The following RALGAPA1 variants were observed in gnomAD, a reference collection of about 807,000 sequenced individuals.
RALGAPA1 encodes ral GTPase-activating protein subunit alpha-1.
Under a neutral mutation model 269.6 loss-of-function variants are expected in RALGAPA1, and 52 were observed. The observed-to-expected ratio is 0.19, with a 90% CI of 0.15 to 0.24. The LOEUF is 0.24. Among genes scored for constraint, RALGAPA1 ranks in the 10% least tolerant of loss-of-function variants. The pLI, the probability that RALGAPA1 is intolerant of heterozygous loss-of-function variation, is 1.00. For missense variants in RALGAPA1, 1,917 were observed against 3,013.9 expected, an observed-to-expected ratio of 0.64 and a Z score of 8.52; for synonymous variants, 817 against 1,008.3, an observed-to-expected ratio of 0.81 and a Z score of 3.60.
chr14:35,807,582 T>A (rs746577230), intron 1 of RALGAPA1, among the ~76,000 whole-genome samples: 10 of 152,236 alleles, frequency 6.6e-5, no homozygotes, highest in African/African-American at 1.2e-4. Context: ...AAACTTCAGC[T>A]TTTTTGTTGG....
At chr14:35,637,557 T>C (rs1014220028) in intron 31 of RALGAPA1, among the ~76,000 whole-genome samples, 4 of 151,860 alleles carry the variant, frequency 2.6e-5, no homozygotes, top group African/African-American at 9.7e-5. Context: ...GAAAAAAGAA[T>C]AAAACACACC....
At chr14:35,581,317 T>C (rs893623850) in intron 37 of RALGAPA1, among the ~76,000 whole-genome samples, 1 of 152,108 alleles carries the variant, frequency 6.6e-6, no homozygotes, top group Non-Finnish European at 1.5e-5. Flanking sequence ...AACATCAGTA[T>C]ATAGAGAAAT....
intron 31 of RALGAPA1, among the ~76,000 whole-genome samples, chr14:35,635,799 G>A (rs1214584304): frequency 6.6e-6 from 1 of 151,856 alleles, no homozygotes; most frequent in Non-Finnish European, 1.5e-5. Context: ...CATATGTCAG[G>A]GCAAGCATAA....
intron 31 of RALGAPA1, among the ~76,000 whole-genome samples, chr14:35,647,412 T>C (rs1273123128): frequency 6.6e-6 from 1 of 152,184 alleles, no homozygotes; most frequent in African/African-American, 2.4e-5. Flanking sequence ...CTGAATATCA[T>C]ACATGAGAAA....
At chr14:35,563,665 C>T (rs1467152279) in intron 39 of RALGAPA1, among the ~76,000 whole-genome samples, 3 of 152,130 alleles carry the variant, frequency 2.0e-5, no homozygotes, top group Non-Finnish European at 2.9e-5. Flanking sequence ...TTCCAAAATA[C>T]TCATCATAAA....
At chr14:35,744,317 G>A (rs1290484140) in intron 10 of RALGAPA1, among the ~76,000 whole-genome samples, 1 of 149,580 alleles carries the variant, frequency 6.7e-6, no homozygotes, top group African/African-American at 2.5e-5. Flanking sequence ...GTTGCGGTAA[G>A]CTGAGATCAC....
chr14:35,666,706 C>A (rs1566956203), intron 26 of RALGAPA1, among the ~76,000 whole-genome samples: 1 of 152,116 alleles, frequency 6.6e-6, no homozygotes, highest in Non-Finnish European at 1.5e-5. Flanking sequence ...AAGGATGTTA[C>A]ATAATGCATA....
intron 39 of RALGAPA1, among the ~76,000 whole-genome samples, chr14:35,554,065 T>C (rs1769600568): frequency 6.6e-6 from 1 of 152,164 alleles, no homozygotes; most frequent in African/African-American, 2.4e-5. Context: ...TACTTAGAAA[T>C]GTTGCCTACT....
At chr14:35,693,212 A>G (rs2066634591) in intron 17 of RALGAPA1, among the ~76,000 whole-genome samples, 2 of 151,900 alleles carry the variant, frequency 1.3e-5, no homozygotes, top group Non-Finnish European at 2.9e-5. Context: ...GGCTTTAGTT[A>G]TATCTCAATA....
At chr14:35,760,722 T>G in intron 6 of RALGAPA1, 107 bp downstream of exon 6, 1 of 709,772 alleles carries the variant, frequency 1.4e-6, no homozygotes, top group Non-Finnish European at 2.3e-6. Flanking sequence ...TTTAAAGCAT[T>G]GCCTTGGATT....
chr14:35,795,443 G>C (rs1477407311), intron 1 of RALGAPA1, among the ~76,000 whole-genome samples: 1 of 152,130 alleles, frequency 6.6e-6, no homozygotes, highest in African/African-American at 2.4e-5. Flanking sequence ...TGAAGTATTG[G>C]AGGGAACAGT....
intron 31 of RALGAPA1, among the ~76,000 whole-genome samples, chr14:35,637,232 A>G (rs2061718373): frequency 6.6e-6 from 1 of 152,206 alleles, no homozygotes. Context: ...TAAATAAGGC[A>G]CCAATGACCA....
In RALGAPA1 at chr14:35,774,940, A is replaced by G. The variant is rs2074906995; in HGVS notation, c.267+66T>C. ...TCATTACATGTTTTATAATTTAAAT[A>G]TATTCCTTTGTATGTTCCAAAAATT... On this transcript the variant is annotated intron_variant, in intron 3 of 41. Coordinates refer to ENST00000680220, the MANE Select transcript of RALGAPA1 (RefSeq NM_001346249.2). 3.2e-6 allele frequency: 3 copies of G among 934,008 alleles called. No individual in the cohort carries two copies. The Admixed American group carries it at 6.8e-5, about 21-fold the overall frequency. 57.9% of individuals were successfully genotyped at this position (934,008 alleles called of 1,614,324 possible). A position where few individuals can be genotyped will look rare whatever the true frequency, so the allele number is the denominator to read the frequency against.
chr14:35,766,578 C>A, intron 4 of RALGAPA1: 2 of 795,370 alleles, frequency 2.5e-6, no homozygotes, highest in South Asian at 2.7e-5. Flanking sequence ...ACAATATGGT[C>A]ACAGATGTGA....
intron 37 of RALGAPA1, among the ~76,000 whole-genome samples, chr14:35,581,241 AATCTT>A (rs529276118): frequency 7.2e-5 from 11 of 152,186 alleles, no homozygotes; most frequent in Non-Finnish European, 1.6e-4. Context: ...TACTTAGAAA[AATCTT>A]ATATACTAGA....
At chr14:35,682,032 A>G (rs1435368974) in intron 21 of RALGAPA1, among the ~76,000 whole-genome samples, 3 of 152,214 alleles carry the variant, frequency 2.0e-5, no homozygotes, top group Admixed American at 6.5e-5. Context: ...ATAAATGAAT[A>G]TACTACAATT....
intron 27 of RALGAPA1, among the ~76,000 whole-genome samples, chr14:35,662,409 C>T (rs779266882): frequency 2.6e-5 from 4 of 152,094 alleles, no homozygotes; most frequent in Admixed American, 1.3e-4. Context: ...ATGTAAAAAT[C>T]GAATGATAAC....
intron 4 of RALGAPA1, among the ~76,000 whole-genome samples, chr14:35,764,088 T>C (rs1426417938): frequency 7.1e-6 from 1 of 141,536 alleles, no homozygotes; most frequent in East Asian, 2.0e-4. Flanking sequence ...AATTTAGTTG[T>C]TCTTTTTTTT....
At position 35,756,868 on chromosome 14, in the gene RALGAPA1, T is replaced by A; in HGVS notation, c.588A>T (p.Pro196=). ...TIEEITPLVP[P]QSGDKGQEDL... is the part of the protein sequence containing the mutation. Reference sequence around the variant, plus strand: ...CTTCTTGCCCTTTATCTCCTGATTGTGGGGGGACAAGAGGAGTGATTTCTT... The same window carrying A: ...CTTCTTGCCCTTTATCTCCTGATTGAGGGGGGACAAGAGGAGTGATTTCTT... Residue 196 remains proline, a synonymous_variant, in exon 7 of 42, where the codon CCA becomes CCT. Coordinates refer to ENST00000680220, the MANE Select transcript of RALGAPA1 (RefSeq NM_001346249.2). 1 of 1,611,440 alleles carries A rather than the reference T, an allele frequency of 6.2e-7. No individual in the cohort carries two copies. Among genetic ancestry groups the A allele is most frequent in the Non-Finnish European group, 8.5e-7 (1 of 1,178,760 alleles).
Sources: gnomAD v4.1 joint callset for allele counts (sites outside exome capture counted in the v4.1 genomes callset) on GRCh38, gnomAD v4.1.1 for gene constraint, MANE v1.5 for transcripts, NCBI Gene and HGNC (gene_info 2026-07-23, HGNC 2026-07-21) for gene names.